PCSK2: variants seen among roughly 807,000 people sequenced by gnomAD.
PCSK2 encodes proprotein convertase subtilisin/kexin type 2, also known as neuroendocrine convertase 2.
In PCSK2, 14 loss-of-function variants were observed where a neutral mutation model predicts 69.7. The ratio of observed to expected loss-of-function variants is 0.20; its 90% CI spans 0.13 to 0.31. PCSK2 has a LOEUF of 0.31. Among genes scored for constraint, PCSK2 ranks in the 10% least tolerant of loss-of-function variants. The probability of loss-of-function intolerance (pLI) is 1.00; values close to 1 mark genes in which losing one functional copy is unlikely to be tolerated. For missense variants in PCSK2, 544 were observed against 842.5 expected, an observed-to-expected ratio of 0.65 and a Z score of 4.39; for synonymous variants, 307 against 320.7, an observed-to-expected ratio of 0.96 and a Z score of 0.46.
intron 2 of PCSK2, among the ~76,000 whole-genome samples, chr20:17,299,763 T>G (rs1989015215): frequency 6.6e-6 from 1 of 152,228 alleles, no homozygotes. Flanking sequence ...GCAGGGGTTT[T>G]GAATGTAGTA....
In PCSK2 at chr20:17,481,926, G is replaced by T. The variant is rs370975179; in HGVS notation, c.1773G>T (p.Leu591=). Residue 591 remains leucine, a synonymous_variant, in exon 12 of 12, where the codon CTG becomes CTT. Coordinates refer to ENST00000262545, the MANE Select transcript of PCSK2 (RefSeq NM_002594.5). ...KGVLKEWTLM[L]HGTQSAPYID... ...TGCTGAAGGAGTGGACCCTGATGCTGCATGGCACTCAGAGTGCCCCGTACA... is the reference window on the plus strand; with the variant it reads ...TGCTGAAGGAGTGGACCCTGATGCTTCATGGCACTCAGAGTGCCCCGTACA... 1.6e-5 allele frequency: 26 copies of T among 1,613,604 alleles called. No homozygotes were observed. Among genetic ancestry groups the T allele is most frequent in the Non-Finnish European group, 2.2e-5 (26 of 1,179,982 alleles).
At position 17,362,606 on chromosome 20, in the gene PCSK2, T is replaced by C. The variant is rs117353661; in HGVS notation, c.505+1966T>C. On this transcript the variant is annotated intron_variant, in intron 4 of 11. Coordinates refer to ENST00000262545, the MANE Select transcript of PCSK2 (RefSeq NM_002594.5). ...GCCTCCAGCAAGGTAGATGGATTTCTTATAGGTGGCTCAGGACTCCCAAGA... is the reference window on the plus strand; with the variant it reads ...GCCTCCAGCAAGGTAGATGGATTTCCTATAGGTGGCTCAGGACTCCCAAGA... 7.7e-3 allele frequency among the ~76,000 whole-genome samples: 1,167 copies of C among 152,282 alleles called. 6 individuals are homozygous for C. The highest frequency in any genetic ancestry group is 0.011 in the Non-Finnish European group (739 of 68,012).
intron 4 of PCSK2, among the ~76,000 whole-genome samples, chr20:17,365,907 A>G (rs746053405): frequency 5.9e-5 from 9 of 152,196 alleles, no homozygotes; most frequent in Non-Finnish European, 1.0e-4. Flanking sequence ...TTCACTGGGC[A>G]CAGCTCATGC....
intron 2 of PCSK2, among the ~76,000 whole-genome samples, chr20:17,295,110 CAT>C (rs1988843314): frequency 6.6e-6 from 1 of 151,966 alleles, no homozygotes; most frequent in African/African-American, 2.4e-5. Flanking sequence ...TTGTTCATAT[CAT>C]AGTGATAGAA....
intron 1 of PCSK2, among the ~76,000 whole-genome samples, chr20:17,259,583 C>A (rs1306319033): frequency 6.6e-6 from 1 of 152,204 alleles, no homozygotes; most frequent in Non-Finnish European, 1.5e-5. Flanking sequence ...TTCTCCAAGA[C>A]TCTTAGAGGC....
chr20:17,239,841 CTTTTTTTTTTTTTTT>C (rs869179656), intron 1 of PCSK2, among the ~76,000 whole-genome samples: 1 of 68,648 alleles, frequency 1.5e-5, no homozygotes, highest in Non-Finnish European at 2.6e-5. Context: ...GGTGAAAACA[CTTTTTTTTTTTTTTT>C]TTTTTTTTTT....
At chr20:17,381,799 C>T (rs1255903571) in intron 5 of PCSK2, among the ~76,000 whole-genome samples, 2 of 152,166 alleles carry the variant, frequency 1.3e-5, no homozygotes, top group African/African-American at 4.8e-5. Flanking sequence ...CATACACACA[C>T]ATATTCTTTC....
At chr20:17,391,628 G>A (rs1217220849) in intron 5 of PCSK2, among the ~76,000 whole-genome samples, 1 of 152,132 alleles carries the variant, frequency 6.6e-6, no homozygotes. Flanking sequence ...GCTGGGAAAA[G>A]GAAGTAGCTC....
chr20:17,475,537 G>C (rs1435582158), intron 11 of PCSK2, among the ~76,000 whole-genome samples: 1 of 151,830 alleles, frequency 6.6e-6, no homozygotes, highest in African/African-American at 2.4e-5. Context: ...GTGGGCTGTG[G>C]TCTTATTTCT....
At chr20:17,454,075 G>A (rs2123382508) in intron 9 of PCSK2, 118 bp downstream of exon 9, 2 of 1,398,500 alleles carry the variant, frequency 1.4e-6, no homozygotes, top group East Asian at 2.5e-5. Flanking sequence ...CCTGAACTAA[G>A]GCTCTGAAGG....
At chr20:17,259,272 T>A (rs1600418556) in intron 1 of PCSK2, among the ~76,000 whole-genome samples, 1 of 152,330 alleles carries the variant, frequency 6.6e-6, no homozygotes, top group East Asian at 1.9e-4. Flanking sequence ...CCAAAAAAAG[T>A]ACATATTTAC....
At chr20:17,431,117 C>T (rs1314789000) in intron 7 of PCSK2, among the ~76,000 whole-genome samples, 1 of 151,990 alleles carries the variant, frequency 6.6e-6, no homozygotes, top group African/African-American at 2.4e-5. Context: ...AGGTGGTCCC[C>T]GGAAGCCAGA....
At chr20:17,310,452 T>C (rs970356868) in intron 2 of PCSK2, among the ~76,000 whole-genome samples, 5 of 152,108 alleles carry the variant, frequency 3.3e-5, no homozygotes, top group Non-Finnish European at 5.9e-5. Context: ...AATAATAATA[T>C]ATTAATAGCC....
chr20:17,472,575 C>CG (rs1555798361), intron 11 of PCSK2, among the ~76,000 whole-genome samples: 91 of 151,734 alleles, frequency 6.0e-4, no homozygotes, highest in African/African-American at 2.1e-3. Context: ...ATAACTTTTT[C>CG]TTTTTTTTTG....
intron 6 of PCSK2, among the ~76,000 whole-genome samples, chr20:17,419,666 C>T (rs1250618625): frequency 6.6e-6 from 1 of 152,186 alleles, no homozygotes; most frequent in Admixed American, 6.5e-5. Context: ...GACATCTGTC[C>T]ATTGTCAAGC....
intron 2 of PCSK2, among the ~76,000 whole-genome samples, chr20:17,293,030 G>A (rs1341615332): frequency 6.6e-6 from 1 of 151,996 alleles, no homozygotes; most frequent in African/African-American, 2.4e-5. Flanking sequence ...TCACCATGTT[G>A]GCCAGGCTGG....
At chr20:17,454,093 C>T (rs866763079) in intron 9 of PCSK2, 136 bp downstream of exon 9, 2 of 1,253,824 alleles carry the variant, frequency 1.6e-6, no homozygotes, top group Middle Eastern at 2.0e-4. Flanking sequence ...AGGGAAGACC[C>T]CTTTTCTCTA....
At chr20:17,372,901 A>G (rs1030750434) in intron 5 of PCSK2, among the ~76,000 whole-genome samples, 1 of 152,194 alleles carries the variant, frequency 6.6e-6, no homozygotes, top group Admixed American at 6.5e-5. Flanking sequence ...AAAATTTTAC[A>G]CTATCATTAA....
chr20:17,452,286 T>G (rs1162931203), intron 8 of PCSK2, among the ~76,000 whole-genome samples: 2 of 152,184 alleles, frequency 1.3e-5, no homozygotes, highest in African/African-American at 4.8e-5. Flanking sequence ...TCCTGGTTTC[T>G]GAGAGCAGTT....
Sources: gnomAD v4.1 joint callset for allele counts (sites outside exome capture counted in the v4.1 genomes callset) on GRCh38, gnomAD v4.1.1 for gene constraint, MANE v1.5 for transcripts, NCBI Gene and HGNC (gene_info 2026-07-23, HGNC 2026-07-21) for gene names.